The following RICTOR variants were observed in gnomAD, a reference collection of about 807,000 sequenced individuals.
RICTOR encodes RPTOR independent companion of MTOR complex 2.
RICTOR carries 49 observed loss-of-function variants against 214.9 expected under a neutral mutation model. The ratio of observed to expected loss-of-function variants is 0.23; its 90% CI spans 0.18 to 0.29. RICTOR has a LOEUF of 0.29. Among genes scored for constraint, RICTOR ranks in the 10% least tolerant of loss-of-function variants. The pLI is 1.00. For synonymous variants in RICTOR, 717 were observed against 711.3 expected, an observed-to-expected ratio of 1.01 and a Z score of -0.13; for missense variants, 1,625 against 2,047.0, an observed-to-expected ratio of 0.79 and a Z score of 3.98.
chr5:39,028,434 G>A (rs370068545), intron 2 of RICTOR, among the ~76,000 whole-genome samples: 6 of 151,926 alleles, frequency 3.9e-5, no homozygotes, highest in Non-Finnish European at 5.9e-5. Context: ...CGCCCGCCTC[G>A]GCCTCCCAAA....
At position 38,962,330 on chromosome 5, in the gene RICTOR, T is replaced by A; in HGVS notation, c.1700A>T (p.Asp567Val). 1.4e-6 allele frequency: 2 copies of A among 1,428,494 alleles called. No individual in the cohort carries two copies. The highest frequency in any genetic ancestry group is 2.3e-5 in the East Asian group (1 of 43,416). 88.5% of individuals were successfully genotyped at this position (1,428,494 alleles called of 1,614,324 possible). A position where few individuals can be genotyped will look rare whatever the true frequency, so the allele number is the denominator to read the frequency against. ...WPNVNLRNYKDEQLHRFVRRL... is the reference protein window; with the variant it reads ...WPNVNLRNYKVEQLHRFVRRL... ...TCTTACATACCTGTGTAACTGTTCA[T>A]CTTTATAGTTTCTTAGATTTACATT... The change falls in exon 19 of 38, where the codon GAT becomes GTT. Residue 567 changes from aspartate to valine, a missense_variant. Coordinates refer to ENST00000357387, the MANE Select transcript of RICTOR (RefSeq NM_152756.5).
intron 2 of RICTOR, among the ~76,000 whole-genome samples, chr5:39,049,438 T>A (rs1757701749): frequency 1.3e-5 from 2 of 152,130 alleles, no homozygotes; most frequent in African/African-American, 4.8e-5. Flanking sequence ...TGTAATACAG[T>A]CTCTGTTTCA....
chr5:39,066,643 C>A (rs1263437106), intron 2 of RICTOR, among the ~76,000 whole-genome samples: 1 of 152,210 alleles, frequency 6.6e-6, no homozygotes, highest in Non-Finnish European at 1.5e-5. Context: ...AACTTTAAGT[C>A]ATTTCTTTGC....
At chr5:39,022,099 T>C (rs907153783) in intron 2 of RICTOR, among the ~76,000 whole-genome samples, 1 of 152,222 alleles carries the variant, frequency 6.6e-6, no homozygotes, top group Non-Finnish European at 1.5e-5. Context: ...TATTATAATA[T>C]AGGCTTTGTG....
At chr5:39,011,799 C>T (rs1255505754) in intron 3 of RICTOR, among the ~76,000 whole-genome samples, 1 of 152,152 alleles carries the variant, frequency 6.6e-6, no homozygotes. Flanking sequence ...TGTATTTACC[C>T]AATGCCTGTA....
At chr5:39,064,779 C>T (rs1040379169) in intron 2 of RICTOR, among the ~76,000 whole-genome samples, 9 of 152,232 alleles carry the variant, frequency 5.9e-5, no homozygotes, top group African/African-American at 2.2e-4. Flanking sequence ...GGGACTACTA[C>T]TCACAGTGAT....
intron 2 of RICTOR, among the ~76,000 whole-genome samples, chr5:39,070,390 ACCCGGG>A (rs1759224940): frequency 6.6e-6 from 1 of 152,028 alleles, no homozygotes; most frequent in Non-Finnish European, 1.5e-5. Flanking sequence ...AATGGCGTGA[ACCCGGG>A]AAGCGGAGCT....
intron 31 of RICTOR, chr5:38,949,315 A>C: frequency 7.8e-7 from 1 of 1,281,142 alleles, no homozygotes; most frequent in Non-Finnish European, 1.1e-6. Flanking sequence ...TTTTAAAAAA[A>C]TAATAAAGAG....
intron 1 of RICTOR, 43 bp downstream of exon 1, chr5:39,074,286 G>T (rs1759554638): frequency 6.4e-7 from 1 of 1,565,024 alleles, no homozygotes; most frequent in Non-Finnish European, 8.7e-7. Context: ...GCCAGGGGTG[G>T]CGGGCGCCGG....
chr5:38,985,783 C>A (rs1005501045), intron 7 of RICTOR, among the ~76,000 whole-genome samples: 3 of 152,062 alleles, frequency 2.0e-5, no homozygotes, highest in Non-Finnish European at 4.4e-5. Context: ...GCAACCTCCG[C>A]CTACCAGGTC....
chr5:38,949,247 A>G (rs996983726), intron 31 of RICTOR: 7 of 633,956 alleles, frequency 1.1e-5, no homozygotes, highest in East Asian at 2.9e-5. Context: ...TTAGGTTCCT[A>G]TTTAATAATC....
rs1185298116 is a variant in RICTOR, at chr5:38,950,398, T to C, written c.3450A>G (p.Ile1150Met). The change falls in exon 31 of 38, where the codon ATA becomes ATG. Residue 1150 changes from isoleucine to methionine, a missense_variant. Physicochemically the swap from Ile to Met is conservative, Grantham distance 10. Coordinates refer to ENST00000357387, the MANE Select transcript of RICTOR (RefSeq NM_152756.5). ...ATTGTAATGTTTTCTGTACAGTGGA[T>C]ATGGGTGTAAAATCATCACTATGAT... ...DFNHSDDFTPISTVQKTLQLE... is the reference protein window; with the variant it reads ...DFNHSDDFTPMSTVQKTLQLE... The C allele has an allele frequency of 1.2e-6, 2 of 1,613,140 alleles. No homozygotes were observed. The highest frequency in any genetic ancestry group is 1.7e-6 in the Non-Finnish European group (2 of 1,179,368).
intron 11 of RICTOR, among the ~76,000 whole-genome samples, chr5:38,968,754 A>G (rs1750448051): frequency 6.6e-6 from 1 of 150,650 alleles, no homozygotes; most frequent in Non-Finnish European, 1.5e-5. Flanking sequence ...AAAAAAAAAA[A>G]GTTAACTGTA....
intron 3 of RICTOR, among the ~76,000 whole-genome samples, chr5:39,006,095 G>GT (rs2150111877): frequency 6.6e-6 from 1 of 152,298 alleles, no homozygotes; most frequent in South Asian, 2.1e-4. Flanking sequence ...TTCGGCAACA[G>GT]TATTTCTGGG....
rs70982535 is a variant in RICTOR at position 39,028,175 on chromosome 5, C to CTTTT, written c.98-7043_98-7040dup. 7.0e-3 allele frequency among the ~76,000 whole-genome samples: 552 copies of CTTTT among 78,422 alleles called. 16 individuals are homozygous for CTTTT. The highest frequency in any genetic ancestry group is 0.017 in the African/African-American group (327 of 19,386). 51.4% of individuals were successfully genotyped at this position (78,422 alleles called of 152,430 possible). A position where few individuals can be genotyped will look rare whatever the true frequency, so the allele number is the denominator to read the frequency against. ...GAGAGGCCATGGAGCAACTGGAATT[C>CTTTT]TTTTTTTTTTTTTTTTTTTTTTTTT... On this transcript the variant is annotated intron_variant, in intron 2 of 37. Transcript: ENST00000357387.
chr5:39,005,090 G>A (rs1483545850), intron 3 of RICTOR, among the ~76,000 whole-genome samples: 1 of 151,578 alleles, frequency 6.6e-6, no homozygotes, highest in Non-Finnish European at 1.5e-5. Context: ...CTCTCACTCA[G>A]ACTCTTTTAA....
At chr5:39,038,203 A>T (rs929286357) in intron 2 of RICTOR, among the ~76,000 whole-genome samples, 8 of 152,254 alleles carry the variant, frequency 5.3e-5, no homozygotes, top group African/African-American at 1.9e-4. Flanking sequence ...ATATAAACAG[A>T]ACCAAAGACA....
At chr5:38,976,296 T>C (rs767789710) in intron 9 of RICTOR, among the ~76,000 whole-genome samples, 3 of 97,330 alleles carry the variant, frequency 3.1e-5, no homozygotes, top group Non-Finnish European at 6.2e-5. Context: ...TTGTCCCTTT[T>C]TTCCTGTGCC....
In RICTOR at chr5:38,941,217, G is replaced by A. The variant is rs554533555; in HGVS notation, c.*1087C>T. 1 of 232,780 alleles carries A rather than the reference G, an allele frequency of 4.3e-6. No homozygotes were observed. Among genetic ancestry groups the A allele is most frequent in the Admixed American group, 5.6e-5 (1 of 17,768 alleles). The allele number at this position is 232,780 out of a possible 1,614,324, so 14.4% of individuals were successfully genotyped here. On this transcript the variant is annotated 3_prime_UTR_variant, in exon 38 of 38. Transcript: ENST00000357387. ...ATAAACCCACCTACCACTGCATTTA[G>A]TTTGTGCAAAACAAAAACACTGATA...
Sources: gnomAD v4.1 joint callset for allele counts (sites outside exome capture counted in the v4.1 genomes callset) on GRCh38, gnomAD v4.1.1 for gene constraint, MANE v1.5 for transcripts, NCBI Gene and HGNC (gene_info 2026-07-23, HGNC 2026-07-21) for gene names.